TAF3: variants seen among roughly 807,000 people sequenced by gnomAD.
The protein encoded by TAF3 is TATA-box binding protein associated factor 3, also known as transcription initiation factor TFIID subunit 3.
A neutral mutation model predicts 80.6 loss-of-function variants in TAF3; 7 were observed. That is an observed-to-expected ratio of 0.09 (90% CI 0.05 to 0.16). TAF3 has a LOEUF of 0.16. Among genes scored for constraint, TAF3 ranks in the 10% least tolerant of loss-of-function variants. The pLI is 1.00. For synonymous variants in TAF3, 444 were observed against 446.1 expected, an observed-to-expected ratio of 1.00 and a Z score of 0.06; for missense variants, 921 against 1,140.2, an observed-to-expected ratio of 0.81 and a Z score of 2.77.
intron 2 of TAF3, among the ~76,000 whole-genome samples, chr10:7,933,379 C>G (rs1391067207): frequency 6.6e-6 from 1 of 152,208 alleles, no homozygotes; most frequent in Non-Finnish European, 1.5e-5. Context: ...TGGCACCCAC[C>G]TGAGGAAGGG....
chr10:7,846,315 T>C (rs901288919), intron 2 of TAF3, among the ~76,000 whole-genome samples: 7 of 152,240 alleles, frequency 4.6e-5, no homozygotes, highest in African/African-American at 1.7e-4. Flanking sequence ...AGTATTGTAT[T>C]AATTTACAGT....
intron 2 of TAF3, among the ~76,000 whole-genome samples, chr10:7,934,327 G>A (rs564654541): frequency 7.2e-5 from 11 of 152,242 alleles, no homozygotes; most frequent in East Asian, 1.9e-4. Flanking sequence ...TTAATGGCAC[G>A]TAAAATAAGT....
chr10:7,837,280 T>A (rs1251531185), intron 2 of TAF3, among the ~76,000 whole-genome samples: 1 of 151,116 alleles, frequency 6.6e-6, no homozygotes, highest in African/African-American at 2.4e-5. Context: ...GGAGAATTGC[T>A]TGAACCAGGG....
In TAF3 at chr10:7,964,289, C is replaced by A; in HGVS notation, c.779C>A (p.Ala260Glu). ...APVAKSQMPTAKPLETKSFTP... is the reference protein window; with the variant it reads ...APVAKSQMPTEKPLETKSFTP... ...GTTGCAAAATCACAAATGCCAACTGCAAAACCATTAGAAACAAAGTCATTT... is the reference window on the plus strand; with the variant it reads ...GTTGCAAAATCACAAATGCCAACTGAAAAACCATTAGAAACAAAGTCATTT... The change falls in exon 3 of 7, where the codon GCA becomes GAA. Residue 260 changes from alanine to glutamate, a missense_variant. Ala to Glu is a moderately radical substitution (Grantham distance 107). Transcript: ENST00000344293. This position sits in a 1 kb window ranked among gnomAD's most constrained non-coding sequence, Gnocchi z 4.1. The A allele has an allele frequency of 6.2e-7, 1 of 1,614,148 alleles. No individual in the cohort carries two copies. Among genetic ancestry groups the A allele is most frequent in the Non-Finnish European group, 8.5e-7 (1 of 1,180,022 alleles).
At chr10:7,937,672 GGATGAGTAA>G (rs1837934296) in intron 2 of TAF3, among the ~76,000 whole-genome samples, 1 of 152,162 alleles carries the variant, frequency 6.6e-6, no homozygotes, top group Admixed American at 6.5e-5. Flanking sequence ...CCATCCTGAA[GGATGAGTAA>G]CAGGTGAGAG....
At chr10:7,829,104 C>A (rs1479768592) in intron 2 of TAF3, among the ~76,000 whole-genome samples, 4 of 149,104 alleles carry the variant, frequency 2.7e-5, no homozygotes, top group Non-Finnish European at 4.4e-5. Context: ...ACTTACCAAG[C>A]TCAACTTAAA....
chr10:7,941,511 C>T (rs573655298), intron 2 of TAF3, among the ~76,000 whole-genome samples: 3 of 152,152 alleles, frequency 2.0e-5, no homozygotes, highest in Non-Finnish European at 2.9e-5. Context: ...TTGAGTGGGC[C>T]GTGTAGTAAT....
chr10:7,827,904 T>C (rs1159241524), intron 2 of TAF3, among the ~76,000 whole-genome samples: 1 of 151,884 alleles, frequency 6.6e-6, no homozygotes, highest in Non-Finnish European at 1.5e-5. Context: ...TGCAGTGAGC[T>C]ATGATCACAC....
At chr10:7,963,330 G>A (rs1005606650) in intron 2 of TAF3, among the ~76,000 whole-genome samples, 1 of 152,148 alleles carries the variant, frequency 6.6e-6, no homozygotes, top group African/African-American at 2.4e-5. Flanking sequence ...GCATTTACTG[G>A]TTAGGAAAAT....
intron 2 of TAF3, among the ~76,000 whole-genome samples, chr10:7,957,802 T>G (rs12217782): frequency 6.9e-5 from 7 of 101,072 alleles, no homozygotes; most frequent in Non-Finnish European, 1.1e-4. Flanking sequence ...GCGCTCTCTC[T>G]CTCTCTCTCT....
chr10:7,912,974 T>G (rs892497839), intron 2 of TAF3, among the ~76,000 whole-genome samples: 1 of 152,180 alleles, frequency 6.6e-6, no homozygotes, highest in Non-Finnish European at 1.5e-5. Flanking sequence ...TTCTCCTAGT[T>G]CTGGAGAATG....
At chr10:7,852,050 C>T (rs1837032150) in intron 2 of TAF3, among the ~76,000 whole-genome samples, 1 of 151,986 alleles carries the variant, frequency 6.6e-6, no homozygotes, top group Non-Finnish European at 1.5e-5. Context: ...TCTCAAAGCA[C>T]TGGGATTATA....
chr10:7,846,408 A>C (rs1196666787), intron 2 of TAF3, among the ~76,000 whole-genome samples: 3 of 152,114 alleles, frequency 2.0e-5, no homozygotes, highest in Non-Finnish European at 4.4e-5. Flanking sequence ...CTTTATCTGC[A>C]TTTGTGATTT....
intron 2 of TAF3, among the ~76,000 whole-genome samples, chr10:7,923,817 G>T (rs1419249706): frequency 9.9e-5 from 15 of 152,004 alleles, no homozygotes; most frequent in Non-Finnish European, 2.2e-4. Flanking sequence ...TTGAATTTTT[G>T]CACATAATTG....
chr10:7,986,641 A>T (rs1343121790), intron 4 of TAF3, among the ~76,000 whole-genome samples: 1 of 152,182 alleles, frequency 6.6e-6, no homozygotes, highest in African/African-American at 2.4e-5. Flanking sequence ...GACTCTCAGC[A>T]TCTTGTAACT....
chr10:7,964,005 G>A lies in TAF3; in HGVS notation c.495G>A (p.Glu165=), dbSNP rs764795551. 1 of 1,614,096 alleles carries A rather than the reference G, an allele frequency of 6.2e-7. No homozygotes were observed. The highest frequency in any genetic ancestry group is 1.1e-5 in the South Asian group (1 of 91,072). The change falls in exon 3 of 7, where the codon GAG becomes GAA. Residue 165 remains glutamate (E), a synonymous_variant. Transcript: ENST00000344293. This position sits in a 1 kb window ranked among gnomAD's most constrained non-coding sequence, Gnocchi z 4.1. ...QVPLEEDDEL[E]EEEIINDENF... The stretch of plus-strand genomic sequence containing the variant: ...CCTTGGAAGAAGATGATGAATTGGA[G>A]GAGGAAGAAATTATTAATGATGAGA...
intron 2 of TAF3, among the ~76,000 whole-genome samples, chr10:7,853,863 A>G (rs946915197): frequency 1.3e-5 from 2 of 152,224 alleles, no homozygotes; most frequent in Non-Finnish European, 2.9e-5. Context: ...GCATTCATCC[A>G]TCAGTTGCAA....
At position 8,015,318 on chromosome 10, in the gene TAF3, G is replaced by T. The variant is rs1832094031; in HGVS notation, c.*567G>T. On this transcript the variant is annotated 3_prime_UTR_variant, in exon 7 of 7. Coordinates refer to ENST00000344293, the MANE Select transcript of TAF3 (RefSeq NM_031923.4). Reference sequence around the variant, plus strand: ...TAACATGTAAAATGTTCAGGCTTTTGTGAAATACCTTATATTTTTTAAGAA... The same window carrying T: ...TAACATGTAAAATGTTCAGGCTTTTTTGAAATACCTTATATTTTTTAAGAA... 1 of 152,150 alleles carries T rather than the reference G, an allele frequency of 6.6e-6. No individual in the cohort carries two copies. Among genetic ancestry groups the T allele is most frequent in the African/African-American group, 2.4e-5 (1 of 41,424 alleles). The allele number at this position is 152,150 out of a possible 1,614,324, so 9.4% of individuals were successfully genotyped here. A position where few individuals can be genotyped will look rare whatever the true frequency, so the allele number is the denominator to read the frequency against.
At chr10:7,945,879 A>G (rs977208839) in intron 2 of TAF3, among the ~76,000 whole-genome samples, 6 of 152,182 alleles carry the variant, frequency 3.9e-5, no homozygotes, top group African/African-American at 7.2e-5. Context: ...GTTGTTGCCT[A>G]TCTGCCCTGC....
Sources: gnomAD v4.1 joint callset for allele counts (sites outside exome capture counted in the v4.1 genomes callset) on GRCh38, gnomAD v4.1.1 for gene constraint, Gnocchi (gnomAD v3.1) non-coding constraint, MANE v1.5 for transcripts, NCBI Gene and HGNC (gene_info 2026-07-23, HGNC 2026-07-21) for gene names.